Variants in MYO3B observed in about 807,000 individuals in gnomAD.
The protein encoded by MYO3B is myosin IIIB.
Under a neutral mutation model 174.6 loss-of-function variants are expected in MYO3B, and 156 were observed. The ratio of observed to expected loss-of-function variants is 0.89; its 90% CI spans 0.78 to 1.02. The LOEUF is 1.02. Among genes scored for constraint, MYO3B ranks in the 50% least tolerant of loss-of-function variants. MYO3B has a pLI of 0.00. For missense variants in MYO3B, 1,632 were observed against 1,639.4 expected, an observed-to-expected ratio of 1.00 and a Z score of 0.08; for synonymous variants, 563 against 569.1, an observed-to-expected ratio of 0.99 and a Z score of 0.15.
At chr2:170,460,884 T>G (rs1009384666) in intron 23 of MYO3B, among the ~76,000 whole-genome samples, 13 of 152,234 alleles carry the variant, frequency 8.5e-5, no homozygotes, top group Non-Finnish European at 1.8e-4. Flanking sequence ...GGGGTACATG[T>G]GAAATTTTCT....
chr2:170,554,007 C>G (rs1691110038), intron 32 of MYO3B, among the ~76,000 whole-genome samples: 1 of 152,162 alleles, frequency 6.6e-6, no homozygotes, highest in Non-Finnish European at 1.5e-5. Flanking sequence ...AATCATGCCT[C>G]CTGTACAGAT....
chr2:170,418,084 T>C (rs1199864991), intron 22 of MYO3B, among the ~76,000 whole-genome samples: 1 of 152,112 alleles, frequency 6.6e-6, no homozygotes, highest in African/African-American at 2.4e-5. Context: ...GTCCAGTGGG[T>C]GTGCAGGAGG....
chr2:170,401,349 C>A, intron 17 of MYO3B, 132 bp from the exon 18 acceptor site: 1 of 767,132 alleles, frequency 1.3e-6, no homozygotes, highest in Non-Finnish European at 2.2e-6. Context: ...GGTTAGGGAT[C>A]TAGCCTGTTT....
intron 32 of MYO3B, among the ~76,000 whole-genome samples, chr2:170,545,734 C>T (rs577246324): frequency 6.6e-6 from 1 of 152,240 alleles, no homozygotes; most frequent in African/African-American, 2.4e-5. Flanking sequence ...GTTGTCTCTT[C>T]CTTCCAGTCT....
intron 3 of MYO3B, among the ~76,000 whole-genome samples, chr2:170,201,207 T>C (rs144693304): frequency 2.0e-5 from 3 of 152,310 alleles, no homozygotes; most frequent in African/African-American, 7.2e-5. Context: ...CGATTCCCTA[T>C]GAGGCTAAAA....
Position 170,492,286 on chromosome 2 carries a change from C to T in MYO3B, c.3015-6306C>T, listed in dbSNP as rs143833896. The stretch of plus-strand genomic sequence containing the variant: ...TCTTTCCAGTCTTGGATAGTTTCCT[C>T]GTATGAATATGCCAGTTAGTACTCT... On this transcript the variant is annotated intron_variant, in intron 25 of 34. Coordinates refer to ENST00000408978, the MANE Select transcript of MYO3B (RefSeq NM_138995.5). 6.8e-4 allele frequency among the ~76,000 whole-genome samples: 103 copies of T among 152,290 alleles called. 2 individuals are homozygous for T. In the East Asian group the frequency reaches 0.015, roughly 23 times the overall value.
intron 32 of MYO3B, among the ~76,000 whole-genome samples, chr2:170,649,383 T>TTATATAAAAATATAAA (rs1559202710): frequency 3.7e-4 from 23 of 61,822 alleles, no homozygotes; most frequent in African/African-American, 1.3e-3. Context: ...TATAAATATA[T>TTATATAAAAATATAAA]TATATAAAAA....
At chr2:170,450,631 T>C (rs1450779943) in intron 23 of MYO3B, among the ~76,000 whole-genome samples, 1 of 152,052 alleles carries the variant, frequency 6.6e-6, no homozygotes. Context: ...TAATATTACA[T>C]AAAAATCTTT....
chr2:170,272,871 C>T (rs890746899), intron 7 of MYO3B, among the ~76,000 whole-genome samples: 1 of 152,114 alleles, frequency 6.6e-6, no homozygotes, highest in South Asian at 2.1e-4. Flanking sequence ...TTGTACATCT[C>T]ATAATACTAT....
intron 25 of MYO3B, among the ~76,000 whole-genome samples, chr2:170,472,673 CTATTTATTTATTTATTTATT>C (rs61295158): frequency 3.5e-5 from 5 of 142,364 alleles, no homozygotes; most frequent in East Asian, 2.0e-4. Context: ...CACTTTTTAT[CTATTTATTTATTTATTTATT>C]TATTTATTTA....
At position 170,214,807 on chromosome 2, in the gene MYO3B, G is replaced by A. The variant is rs2092810216; in HGVS notation, c.505G>A (p.Gly169Arg). Reference sequence around the variant, plus strand: ...TAACATTCTTCTGACAACAGAAGGAGGAGTTAAGCTCGTTGACTTTGGTAA... The same window carrying A: ...TAACATTCTTCTGACAACAGAAGGAAGAGTTAAGCTCGTTGACTTTGGTAA... The part of the protein sequence containing the change: ...GNNILLTTEG[G>R]VKLVDFGVSA... The change falls in exon 5 of 35, where the codon GGA (glycine) becomes AGA (arginine). Residue 169 changes from glycine to arginine, a missense_variant. Coordinates refer to ENST00000408978, the MANE Select transcript of MYO3B (RefSeq NM_138995.5). 7 of 1,613,728 alleles carry A rather than the reference G, an allele frequency of 4.3e-6. No homozygotes were observed. The East Asian group carries it at 1.1e-4, about 26-fold the overall frequency.
chr2:170,568,126 T>G (rs1692193174), intron 32 of MYO3B, among the ~76,000 whole-genome samples: 1 of 152,222 alleles, frequency 6.6e-6, no homozygotes, highest in African/African-American at 2.4e-5. Context: ...TATTATTATT[T>G]TCTATGTGTG....
intron 7 of MYO3B, among the ~76,000 whole-genome samples, chr2:170,285,891 T>C (rs2093552809): frequency 6.6e-6 from 1 of 152,036 alleles, no homozygotes; most frequent in Non-Finnish European, 1.5e-5. Flanking sequence ...ATATACATAA[T>C]ATGAGGGAGA....
chr2:170,613,131 C>T (rs1469578832), intron 32 of MYO3B, among the ~76,000 whole-genome samples: 1 of 152,212 alleles, frequency 6.6e-6, no homozygotes, highest in East Asian at 1.9e-4. Flanking sequence ...CTCCAGCTTT[C>T]ACAAACTATT....
At chr2:170,307,235 C>A in intron 7 of MYO3B, among the ~76,000 whole-genome samples, 1 of 101,470 alleles carries the variant, frequency 9.9e-6, no homozygotes, top group Non-Finnish European at 1.8e-5. Flanking sequence ...AGAGTGAGGC[C>A]TTATCTCAAA....
intron 29 of MYO3B, among the ~76,000 whole-genome samples, chr2:170,517,801 A>G (rs1051636211): frequency 2.0e-5 from 3 of 152,020 alleles, no homozygotes; most frequent in African/African-American, 7.3e-5. Context: ...CCAAACAGTG[A>G]TTTAGAATCT....
At chr2:170,416,919 G>A (rs1006335810) in intron 22 of MYO3B, among the ~76,000 whole-genome samples, 3 of 149,118 alleles carry the variant, frequency 2.0e-5, no homozygotes, top group Admixed American at 1.3e-4. Flanking sequence ...TCTGCCTCCC[G>A]GGTTCAAGCA....
chr2:170,248,960 T>C (rs1031150536), intron 7 of MYO3B, among the ~76,000 whole-genome samples: 1 of 152,258 alleles, frequency 6.6e-6, no homozygotes, highest in African/African-American at 2.4e-5. Flanking sequence ...TATGTACTCA[T>C]AGCCATTTTG....
At chr2:170,251,144 C>G (rs1190032240) in intron 7 of MYO3B, among the ~76,000 whole-genome samples, 2 of 152,002 alleles carry the variant, frequency 1.3e-5, no homozygotes, top group East Asian at 1.9e-4. Context: ...CTGTACATAG[C>G]TTTTTTACAA....
Sources: allele counts gnomAD v4.1 joint callset (sites outside exome capture counted in the v4.1 genomes callset), GRCh38; gene constraint gnomAD v4.1.1; transcripts MANE v1.5; gene names NCBI Gene and HGNC (gene_info 2026-07-23, HGNC 2026-07-21).